DGKQ: variants seen among roughly 807,000 people sequenced by gnomAD.
The protein encoded by DGKQ is DAG kinase theta.
A neutral mutation model predicts 104.2 loss-of-function variants in DGKQ; 97 were observed. The observed-to-expected ratio is 0.93, with a 90% CI of 0.79 to 1.10. The LOEUF is 1.10. DGKQ is among the 50% of genes least tolerant of loss of function. The probability of loss-of-function intolerance (pLI) is 0.00; values close to 1 mark genes in which losing one functional copy is unlikely to be tolerated. For synonymous variants in DGKQ, 736 were observed against 595.2 expected (o/e 1.24, Z -3.44); for missense variants, 1,465 against 1,352.1 (o/e 1.08, Z -1.31).
chr4:972,557 G>A (rs1269791237), intron 1 of DGKQ, among the ~76,000 whole-genome samples: 2 of 147,768 alleles, frequency 1.4e-5, no homozygotes, highest in Non-Finnish European at 2.9e-5. Flanking sequence ...TCCCTCCAGA[G>A]GCTGGGCTGT....
chr4:971,138 T>A lies in DGKQ; in HGVS notation c.272-66A>T. 1 of 1,288,616 alleles carries A rather than the reference T, an allele frequency of 7.8e-7. No homozygotes were observed. Among genetic ancestry groups the A allele is most frequent in the Non-Finnish European group, 1.1e-6 (1 of 912,782 alleles). 79.8% of individuals were successfully genotyped at this position (1,288,616 alleles called of 1,614,324 possible). Reference sequence around the variant, plus strand: ...CCAATGGCTGTCCTACCCAGGAAGTTAGAGGCCCCAGGGCAATGACTGCCA... The same window carrying A: ...CCAATGGCTGTCCTACCCAGGAAGTAAGAGGCCCCAGGGCAATGACTGCCA... On this transcript the variant is annotated intron_variant, in intron 1 of 22. Coordinates refer to ENST00000273814, the MANE Select transcript of DGKQ (RefSeq NM_001347.4). This position sits in a 1 kb window ranked among gnomAD's most constrained non-coding sequence, Gnocchi z 4.0.
At chr4:963,484 T>C (rs1382889585) in intron 15 of DGKQ, among the ~76,000 whole-genome samples, 194 bp from the exon 16 acceptor site, 1 of 152,144 alleles carries the variant, frequency 6.6e-6, no homozygotes, top group Non-Finnish European at 1.5e-5. Context: ...ATCTCGCTGC[T>C]GGCCAGCAGG....
intron 1 of DGKQ, among the ~76,000 whole-genome samples, chr4:972,963 C>A (rs1713050932): frequency 6.6e-6 from 1 of 152,188 alleles, no homozygotes; most frequent in African/African-American, 2.4e-5. Flanking sequence ...TCAGGCACAG[C>A]CCCTGGGTCG....
chr4:962,400 GC>G (rs760818376), intron 18 of DGKQ, 34 bp downstream of exon 18: 2 of 1,525,008 alleles, frequency 1.3e-6, no homozygotes, highest in African/African-American at 2.7e-5. Context: ...ATATGCAGGA[GC>G]CTGGAAGGCA....
rs1279977528 is a variant in DGKQ at position 960,325 on chromosome 4, C to T, written c.*295G>A. ...CCCACCCCTGAGGAGAGGACCAGGC[C>T]CCCACAGGGCAGAGGGCTCACCATC... is the stretch of plus-strand genomic sequence containing the variant. On this transcript the variant is annotated 3_prime_UTR_variant, in exon 23 of 23. Transcript: ENST00000273814. 6.2e-6 allele frequency: 3 copies of T among 481,170 alleles called. No individual in the cohort carries two copies. Among genetic ancestry groups the T allele is most frequent in the Non-Finnish European group, 1.1e-5 (3 of 263,918 alleles). 29.8% of individuals were successfully genotyped at this position (481,170 alleles called of 1,614,324 possible).
rs1489857789 is a variant in DGKQ, at chr4:968,194, G to GC, written c.663+87dup. 1.7e-5 allele frequency: 8 copies of GC among 462,362 alleles called. No homozygotes were observed. The South Asian group carries it at 1.8e-4, about 10-fold the overall frequency. 28.6% of individuals were successfully genotyped at this position (462,362 alleles called of 1,614,324 possible). ...CTGGAACCCGCGCCTCTCCTGCCCC[G>GC]CCCCGCCAACTCCTCCACCTCCCAG... is the stretch of plus-strand genomic sequence containing the variant. On this transcript the variant is annotated intron_variant, in intron 5 of 22. Coordinates refer to ENST00000273814, the MANE Select transcript of DGKQ (RefSeq NM_001347.4).
intron 19 of DGKQ, 58 bp from the exon 20 acceptor site, chr4:961,892 C>T (rs1711916202): frequency 6.2e-7 from 1 of 1,600,956 alleles, no homozygotes; most frequent in Non-Finnish European, 8.5e-7. Context: ...CCTTAGGCAG[C>T]CTCCGGGTTC....
At position 967,630 on chromosome 4, in the gene DGKQ, G is replaced by A; in HGVS notation, c.906C>T (p.Ile302=). 5.6e-6 allele frequency: 9 copies of A among 1,612,744 alleles called. No individual in the cohort carries two copies. Among genetic ancestry groups the A allele is most frequent in the Non-Finnish European group, 7.6e-6 (9 of 1,179,880 alleles). ...TPESGKQTLK[I]FDGDDAVRRS... is the part of the protein sequence containing the mutation. ...TTCTCACCGCGTCGTCGCCATCAAA[G>A]ATCTTCAGCGTTTGCTTCCCTGGGC... is the stretch of plus-strand genomic sequence containing the variant. The change falls in exon 8 of 23, where the codon ATC becomes ATT. Residue 302 remains isoleucine, a synonymous_variant. Transcript: ENST00000273814.
Position 961,541 on chromosome 4 carries a change from C to G in DGKQ, c.2500G>C (p.Asp834His). The G allele has an allele frequency of 6.2e-7, 1 of 1,609,248 alleles. No homozygotes were observed. The highest frequency in any genetic ancestry group is 8.5e-7 in the Non-Finnish European group (1 of 1,178,670). Residue 834 changes from aspartate (D) to histidine (H), a missense_variant, in exon 21 of 23, where the codon GAC (aspartate) becomes CAC (histidine). Physicochemically the swap from Asp to His is moderately conservative, Grantham distance 81. Coordinates refer to ENST00000273814, the MANE Select transcript of DGKQ (RefSeq NM_001347.4). ...SGADLWGSDSDTRFEKPRMDD... is the reference protein window; with the variant it reads ...SGADLWGSDSHTRFEKPRMDD... ...ATGCGTGGCTTCTCAAACCTGGTGT[C>G]GCTGTCGGAGCCCCACAGGTCGGCC...
At chr4:965,709 C>CAGAGGG (rs1560514317) in intron 13 of DGKQ, among the ~76,000 whole-genome samples, 180 bp from the exon 14 acceptor site, 1 of 152,200 alleles carries the variant, frequency 6.6e-6, no homozygotes, top group Admixed American at 6.5e-5. Flanking sequence ...CAGGACCCCC[C>CAGAGGG]AGAGGGAGAG....
At position 961,597 on chromosome 4, in the gene DGKQ, G is replaced by C; in HGVS notation, c.2463-19C>G. On this transcript the variant is annotated intron_variant, in intron 20 of 22. Transcript: ENST00000273814. ...GCCCCAGCTGCCGCATAAGAGAGCG[G>C]GCACAGAGGTGTAGGTGCAGGCAGG... The C allele has an allele frequency of 6.2e-7, 1 of 1,609,874 alleles. No homozygotes were observed. Among genetic ancestry groups the C allele is most frequent in the Non-Finnish European group, 8.5e-7 (1 of 1,178,840 alleles).
Position 968,804 on chromosome 4 carries a change from C to A in DGKQ, c.451+7G>T. 1 of 1,607,130 alleles carries A rather than the reference C, an allele frequency of 6.2e-7. No individual in the cohort carries two copies. Among genetic ancestry groups the A allele is most frequent in the East Asian group, 2.2e-5 (1 of 44,692 alleles). ...ACTGGGTGGGGAGCCAGGCAGGCTCCAGGTACCTTCGCAGTGGAGCGCCGG... is the reference window on the plus strand; with the variant it reads ...ACTGGGTGGGGAGCCAGGCAGGCTCAAGGTACCTTCGCAGTGGAGCGCCGG... On this transcript the variant is annotated splice_region_variant and intron_variant, in intron 3 of 22. Coordinates refer to ENST00000273814, the MANE Select transcript of DGKQ (RefSeq NM_001347.4).
At chr4:964,518 C>T (rs114739803) in intron 15 of DGKQ, among the ~76,000 whole-genome samples, 1,859 of 148,388 alleles carry the variant, frequency 0.013, 15 homozygotes, top group Non-Finnish European at 0.02. Flanking sequence ...CCTGTCTCCA[C>T]GGACCAGACC....
At chr4:966,823 A>G (rs1370858678) in intron 10 of DGKQ, 21 bp from the exon 11 acceptor site, 5 of 1,604,648 alleles carry the variant, frequency 3.1e-6, no homozygotes, top group Non-Finnish European at 4.3e-6. Flanking sequence ...AGAGCTTGGC[A>G]TCGGGTCTGG....
In DGKQ at chr4:965,250, G is replaced by A. The variant is rs368550766; in HGVS notation, c.1660C>T (p.Arg554Trp). ...LDVACFAEAE[R>W]LYMLLKDMAV... ...ATGTCCTTCAGCAGCATGTACAGCC[G>A]CTCGGCCTCCGCAAAGCAGGCAACG... is the stretch of plus-strand genomic sequence containing the variant. The change falls in exon 15 of 23, where the codon CGG becomes TGG. Residue 554 changes from arginine to tryptophan, a missense_variant. Arg to Trp is a moderately radical substitution (Grantham distance 101). Transcript: ENST00000273814. 9 of 1,612,642 alleles carry A rather than the reference G, an allele frequency of 5.6e-6. No homozygotes were observed. Among genetic ancestry groups the A allele is most frequent in the Non-Finnish European group, 5.9e-6 (7 of 1,179,912 alleles).
intron 3 of DGKQ, 41 bp downstream of exon 3, chr4:968,770 G>C: frequency 6.4e-7 from 1 of 1,560,838 alleles, no homozygotes; most frequent in South Asian, 1.1e-5. Flanking sequence ...GGGCAGCAGA[G>C]ACCAGGACAC....
rs1233569805 is a variant in DGKQ, at chr4:967,988, C to T, written c.703G>A (p.Gly235Ser). The change falls in exon 6 of 23, where the codon GGC becomes AGC. Residue 235 changes from glycine to serine, a missense_variant. Transcript: ENST00000273814. The stretch of plus-strand genomic sequence containing the variant: ...ACCAGGGAGCGCAGACGCCCGAAGC[C>T]ACACTCGGGAGCCAGCGCCGCGGAG... Reference protein sequence around the residue: ...LCSAALAPECGFGRLRSLVLP... With the variant: ...LCSAALAPECSFGRLRSLVLP... 3 of 1,472,678 alleles carry T rather than the reference C, an allele frequency of 2.0e-6. No homozygotes were observed. The highest frequency in any genetic ancestry group is 2.7e-6 in the Non-Finnish European group (3 of 1,120,924). The allele number at this position is 1,472,678 out of a possible 1,614,324, so 91.2% of individuals were successfully genotyped here.
At position 972,000 on chromosome 4, in the gene DGKQ, G is replaced by A. The variant is rs1160801395; in HGVS notation, c.272-928C>T. 6.6e-6 allele frequency among the ~76,000 whole-genome samples: 1 copy of A among 151,086 alleles called. No homozygotes were observed. The highest frequency in any genetic ancestry group is 2.0e-4 in the East Asian group (1 of 5,082). On this transcript the variant is annotated intron_variant, in intron 1 of 22. Transcript: ENST00000273814. This position sits in a 1 kb window ranked among gnomAD's most constrained non-coding sequence, Gnocchi z 4.0. ...GAGAAAAGCTCTGGAAGCAGGCCAG[G>A]GTCCACCGAGAGAAGGGGGGACAGG... is the stretch of plus-strand genomic sequence containing the variant.
At position 966,003 on chromosome 4, in the gene DGKQ, A is replaced by AC. The variant is rs1712294184; in HGVS notation, c.1503dup (p.Phe502ValfsTer20). 1.9e-6 allele frequency: 3 copies of AC among 1,606,022 alleles called. No homozygotes were observed. The highest frequency in any genetic ancestry group is 2.5e-6 in the Non-Finnish European group (3 of 1,177,250). ...AGGCCGGGAGGCAGGCCGCCAACAAACAGGGAGACGTGCGGGGCTACATCC... is the reference window on the plus strand; with the variant it reads ...AGGCCGGGAGGCAGGCCGCCAACAAACCAGGGAGACGTGCGGGGCTACATCC... On this transcript the variant is annotated frameshift_variant, in exon 13 of 23. Coordinates refer to ENST00000273814, the MANE Select transcript of DGKQ (RefSeq NM_001347.4). LOFTEE classifies it high-confidence loss of function.
Sources: gnomAD v4.1 joint callset for allele counts (sites outside exome capture counted in the v4.1 genomes callset) on GRCh38, gnomAD v4.1.1 for gene constraint, Gnocchi (gnomAD v3.1) non-coding constraint, MANE v1.5 for transcripts, NCBI Gene and HGNC (gene_info 2026-07-23, HGNC 2026-07-21) for gene names.